The following CHSY3 variants were observed in gnomAD, a reference collection of about 807,000 sequenced individuals.
The protein encoded by CHSY3 is chondroitin sulfate synthase 3, also known as N-acetylgalactosaminyl-proteoglycan 3-beta-glucuronosyltransferase 3.
A neutral mutation model predicts 67.2 loss-of-function variants in CHSY3; 35 were observed. The ratio of observed to expected loss-of-function variants is 0.52; its 90% CI spans 0.40 to 0.69. CHSY3 has a LOEUF of 0.69. Ranked by LOEUF, CHSY3 falls within the 30% of genes least tolerant of loss-of-function variation. The pLI is 0.00. For synonymous variants in CHSY3, 474 were observed against 434.7 expected (o/e 1.09, Z -1.12); for missense variants, 1,069 against 1,138.5 (o/e 0.94, Z 0.88).
chr5:130,181,236 C>G (rs1770234002), intron 2 of CHSY3, among the ~76,000 whole-genome samples: 1 of 152,022 alleles, frequency 6.6e-6, no homozygotes, highest in South Asian at 2.1e-4. Flanking sequence ...GAGAGGAAGC[C>G]AGCTTAAACT....
At chr5:129,906,458 T>C (rs557835593) in intron 1 of CHSY3, among the ~76,000 whole-genome samples, 2 of 152,336 alleles carry the variant, frequency 1.3e-5, no homozygotes, top group South Asian at 4.1e-4. Context: ...CAGTGCATTT[T>C]GTTGGCCGCG....
intron 2 of CHSY3, chr5:130,141,753 C>A: frequency 2.1e-6 from 1 of 480,600 alleles, no homozygotes; most frequent in South Asian, 1.6e-5. Flanking sequence ...TTAAAATTAT[C>A]AACTGGCTGG....
intron 2 of CHSY3, among the ~76,000 whole-genome samples, chr5:130,063,959 A>T (rs755698369): frequency 6.6e-6 from 1 of 152,138 alleles, no homozygotes; most frequent in Non-Finnish European, 1.5e-5. Context: ...AAACCATAGC[A>T]TGATAATTAG....
intron 2 of CHSY3, among the ~76,000 whole-genome samples, chr5:130,134,025 C>T (rs550368156): frequency 2.0e-5 from 3 of 152,104 alleles, no homozygotes; most frequent in African/African-American, 2.4e-5. Context: ...CTTGACTTAA[C>T]GTATTATTTA....
intron 2 of CHSY3, among the ~76,000 whole-genome samples, chr5:130,011,582 T>C (rs528262384): frequency 5.3e-5 from 8 of 152,322 alleles, no homozygotes; most frequent in African/African-American, 1.9e-4. Flanking sequence ...ATGACTGCTC[T>C]GACCACTCCT....
chr5:130,184,891 T>G lies in CHSY3; in HGVS notation c.1749T>G (p.Leu583=), dbSNP rs1289714262. The change falls in exon 3 of 3, where the codon CTT becomes CTG. Residue 583 remains leucine, a synonymous_variant. Coordinates refer to ENST00000305031, the MANE Select transcript of CHSY3 (RefSeq NM_175856.5). ...RETEELDVNS[L]VESINSETQS... The stretch of plus-strand genomic sequence containing the variant: ...CCGAAGAGCTAGATGTCAACAGTCT[T>G]GTGGAGAGTATTAACAGTGAAACTC... The G allele has an allele frequency of 6.4e-7, 1 of 1,555,200 alleles. No individual in the cohort carries two copies. Among genetic ancestry groups the G allele is most frequent in the Non-Finnish European group, 8.9e-7 (1 of 1,126,404 alleles).
chr5:130,085,595 A>C (rs997325831), intron 2 of CHSY3, among the ~76,000 whole-genome samples: 1 of 151,740 alleles, frequency 6.6e-6, no homozygotes, highest in African/African-American at 2.4e-5. Context: ...AGGGTTTTTT[A>C]TGTCTCTATT....
At chr5:130,183,033 T>G (rs1028917678) in intron 2 of CHSY3, among the ~76,000 whole-genome samples, 1 of 152,104 alleles carries the variant, frequency 6.6e-6, no homozygotes, top group Non-Finnish European at 1.5e-5. Flanking sequence ...TTGCAATATT[T>G]CTTTCTTCTT....
intron 2 of CHSY3, among the ~76,000 whole-genome samples, chr5:129,984,724 G>T (rs1464619575): frequency 2.0e-5 from 3 of 152,108 alleles, no homozygotes; most frequent in Non-Finnish European, 2.9e-5. Flanking sequence ...TCTGACTGGT[G>T]TGAGATAGTA....
At chr5:130,069,804 T>C (rs924128233) in intron 2 of CHSY3, among the ~76,000 whole-genome samples, 2 of 152,082 alleles carry the variant, frequency 1.3e-5, no homozygotes, top group African/African-American at 2.4e-5. Context: ...TTCTCTTACC[T>C]TTATGTTTCT....
At chr5:130,159,790 G>A (rs934264428) in intron 2 of CHSY3, among the ~76,000 whole-genome samples, 1 of 152,174 alleles carries the variant, frequency 6.6e-6, no homozygotes, top group African/African-American at 2.4e-5. Flanking sequence ...CAAGAGCAAG[G>A]ATCAGCATCA....
intron 2 of CHSY3, among the ~76,000 whole-genome samples, chr5:130,163,522 G>T (rs73788425): frequency 2.5e-4 from 38 of 151,974 alleles, no homozygotes; most frequent in African/African-American, 9.2e-4. Flanking sequence ...TCAAAGAGTT[G>T]CTCCCATTTC....
At chr5:130,037,756 T>G (rs1764900723) in intron 2 of CHSY3, among the ~76,000 whole-genome samples, 1 of 152,106 alleles carries the variant, frequency 6.6e-6, no homozygotes, top group Non-Finnish European at 1.5e-5. Flanking sequence ...TTCCTCAAAG[T>G]GCCTAGTACA....
chr5:130,049,427 G>A (rs192427791), intron 2 of CHSY3, among the ~76,000 whole-genome samples: 18 of 152,140 alleles, frequency 1.2e-4, no homozygotes, highest in East Asian at 3.9e-4. Flanking sequence ...TTTTCCCACA[G>A]ATAGCTGGCA....
At position 130,172,325 on chromosome 5, in the gene CHSY3, C is replaced by CTTT. The variant is rs148048268; in HGVS notation, c.1087-11892_1087-11890dup. On this transcript the variant is annotated intron_variant, in intron 2 of 2. Coordinates refer to ENST00000305031, the MANE Select transcript of CHSY3 (RefSeq NM_175856.5). ...TCTTTTTTTTCTTTTCTTTTCTTTT[C>CTTT]TTTTTTTTTTTTTTGAGACAGTTGA... Among the ~76,000 whole-genome samples the CTTT allele has an allele frequency of 6.5e-3, 197 of 30,224 alleles. 2 individuals carry two copies. Among genetic ancestry groups the CTTT allele is most frequent in the Middle Eastern group, 0.025 (1 of 40 alleles). 19.8% of individuals were successfully genotyped at this position (30,224 alleles called of 152,430 possible). A position where few individuals can be genotyped will look rare whatever the true frequency, so the allele number is the denominator to read the frequency against.
At chr5:130,152,135 T>C (rs1769250762) in intron 2 of CHSY3, among the ~76,000 whole-genome samples, 1 of 152,208 alleles carries the variant, frequency 6.6e-6, no homozygotes, top group African/African-American at 2.4e-5. Flanking sequence ...AAAATCTGCA[T>C]TTTTGACAAG....
intron 2 of CHSY3, among the ~76,000 whole-genome samples, chr5:129,915,135 A>G (rs1760692962): frequency 6.6e-6 from 1 of 152,126 alleles, no homozygotes. Flanking sequence ...ATTGCATTTA[A>G]TTTTTATTAT....
chr5:129,994,696 A>T (rs562600464), intron 2 of CHSY3, among the ~76,000 whole-genome samples: 4 of 152,252 alleles, frequency 2.6e-5, no homozygotes, highest in Non-Finnish European at 5.9e-5. Flanking sequence ...GCACATATAT[A>T]CCATGGAATA....
At chr5:130,121,338 TAC>T (rs1554084127) in intron 2 of CHSY3, among the ~76,000 whole-genome samples, 2 of 152,192 alleles carry the variant, frequency 1.3e-5, no homozygotes, top group Non-Finnish European at 2.9e-5. Flanking sequence ...CTGTATTTCA[TAC>T]ACACTAGAGA....
Sources: allele counts gnomAD v4.1 joint callset (sites outside exome capture counted in the v4.1 genomes callset), GRCh38; gene constraint gnomAD v4.1.1; transcripts MANE v1.5; gene names NCBI Gene and HGNC (gene_info 2026-07-23, HGNC 2026-07-21).